The following SHOX variants were observed in gnomAD, a reference collection of about 807,000 sequenced individuals.
SHOX encodes short stature homeobox protein.
A neutral mutation model predicts 29.6 loss-of-function variants in SHOX; 12 were observed. That is an observed-to-expected ratio of 0.41 (90% CI 0.26 to 0.66). The LOEUF is 0.66. SHOX is among the 30% of genes least tolerant of loss of function. The pLI, the probability that SHOX is intolerant of heterozygous loss-of-function variation, is 0.35. For synonymous variants in SHOX, 214 were observed against 200.6 expected (o/e 1.07, Z -0.57); for missense variants, 499 against 437.7 (o/e 1.14, Z -1.25).
chrX:633,635 C>T (rs1299720168), intron 1 of SHOX, among the ~76,000 whole-genome samples: 1 of 152,074 alleles, frequency 6.6e-6, no homozygotes, highest in East Asian at 1.9e-4. Context: ...GAGACTGTTT[C>T]CAGACTAAAC....
chrX:634,592 C>T (rs1230751608), intron 1 of SHOX, 26 bp from the exon 2 acceptor site: 2 of 1,611,432 alleles, frequency 1.2e-6, no homozygotes, highest in South Asian at 1.1e-5. Flanking sequence ...CCGGCCTCAG[C>T]CCTGTGCCCT....
At chrX:640,206 G>A (rs1486069304) in intron 2 of SHOX, among the ~76,000 whole-genome samples, 1 of 150,886 alleles carries the variant, frequency 6.6e-6, no homozygotes, top group South Asian at 2.1e-4. Context: ...TTAGCTAGGT[G>A]TGGTGGTGTG....
At chrX:637,837 T>C (rs1252519555) in intron 2 of SHOX, among the ~76,000 whole-genome samples, 1 of 152,196 alleles carries the variant, frequency 6.6e-6, no homozygotes, top group Admixed American at 6.5e-5. Context: ...CAATTTACTG[T>C]GGAAATTTGC....
chrX:634,520 T>C, intron 1 of SHOX, 98 bp from the exon 2 acceptor site: 6 of 1,337,570 alleles, frequency 4.5e-6, no homozygotes, highest in Non-Finnish European at 3.2e-6. Context: ...GCATTGGTTT[T>C]CGAGGGCCCC....
chrX:630,716 T>C (rs1016160088), upstream of SHOX: 18 of 727,104 alleles, frequency 2.5e-5, no homozygotes, highest in Non-Finnish European at 3.7e-5. Context: ...GACCAGTAAT[T>C]GCACCAGACA....
At chrX:638,566 A>G (rs1223067167) in intron 2 of SHOX, among the ~76,000 whole-genome samples, 4 of 152,182 alleles carry the variant, frequency 2.6e-5, no homozygotes, top group Non-Finnish European at 4.4e-5. Flanking sequence ...GCTGGGAAAC[A>G]GGATCAGGTT....
At chrX:640,767 G>C in intron 2 of SHOX, 54 bp from the exon 3 acceptor site, 1 of 1,598,622 alleles carries the variant, frequency 6.3e-7, no homozygotes, top group Non-Finnish European at 8.6e-7. Flanking sequence ...GCTCCCTGGG[G>C]AGGCTGGGCT....
chrX:641,125 C>T (rs1331828703), intron 4 of SHOX, 38 bp downstream of exon 4: 3 of 1,563,748 alleles, frequency 1.9e-6, no homozygotes, highest in African/African-American at 2.7e-5. Context: ...TCCCTAGGGA[C>T]CTGCTGCTCC....
chrX:631,159 G>T lies in SHOX; in HGVS notation c.262G>T (p.Ala88Ser), dbSNP rs747077800. Residue 88 changes from alanine to serine, a missense_variant, in exon 1 of 5, where the codon GCG becomes TCG. Ala to Ser is a moderately conservative substitution (Grantham distance 99). Transcript: ENST00000686671. ...GGAGAAACTGAAAGAATTCGGCACC[G>T]CGAGAGTGGCAGAAGGTAAGTTCCT... The part of the protein sequence containing the change: ...DKEKLKEFGT[A>S]RVAEGIYECK... The T allele has an allele frequency of 1.2e-6, 2 of 1,612,858 alleles. No individual in the cohort carries two copies. Among genetic ancestry groups the T allele is most frequent in the Non-Finnish European group, 1.7e-6 (2 of 1,179,728 alleles).
At chrX:644,250 G>A in intron 4 of SHOX, 141 bp from the exon 5 acceptor site, 1 of 1,103,524 alleles carries the variant, frequency 9.1e-7, no homozygotes, top group Non-Finnish European at 1.2e-6. Flanking sequence ...AAAGGCGGGT[G>A]TGGGGTGGTC....
intron 1 of SHOX, chrX:632,072 C>T (rs2052660951): frequency 1.8e-5 from 8 of 447,650 alleles, no homozygotes; most frequent in Admixed American, 1.7e-4. Context: ...TTCCTTTGAA[C>T]GTCGAGGCTT....
chrX:628,203 C>G (rs1603282839), upstream of SHOX, among the ~76,000 whole-genome samples: 1 of 132,806 alleles, frequency 7.5e-6, no homozygotes, highest in Middle Eastern at 4.5e-3. Flanking sequence ...CTCTCTCCCT[C>G]TCTCTCCCTG....
chrX:625,738 G>T (rs1231249453), intron 1 of SHOX, among the ~76,000 whole-genome samples: 11 of 108,624 alleles, frequency 1.0e-4, no homozygotes, highest in Admixed American at 1.9e-4. Context: ...CTCTCTCTCT[G>T]TCTCTTTTTC....
In SHOX at chrX:631,037, G is replaced by A; in HGVS notation, c.140G>A (p.Arg47Gln). Residue 47 changes from arginine (R) to glutamine (Q), a missense_variant, in exon 1 of 5, where the codon CGG becomes CAG. Arg to Gln is a conservative substitution (Grantham distance 43, BLOSUM62 1). Transcript: ENST00000686671. ...EVLESGLARSRELGTSDSSLQ... is the reference protein window; with the variant it reads ...EVLESGLARSQELGTSDSSLQ... ...TTGGAGAGCGGACTGGCGCGCTCCC[G>A]GGAGCTGGGGACGTCGGATTCCAGC... The A allele has an allele frequency of 1.9e-6, 3 of 1,613,846 alleles. No homozygotes were observed. The highest frequency in any genetic ancestry group is 2.5e-6 in the Non-Finnish European group (3 of 1,179,872).
chrX:658,851 G>T (rs184167749), exon 6 of SHOX: 1 of 354,418 alleles, frequency 2.8e-6, no homozygotes, highest in Admixed American at 2.9e-5. Flanking sequence ...TGCAACCTCC[G>T]CCTCCCGAGT....
chrX:629,319 C>G (rs2052604591), upstream of SHOX, among the ~76,000 whole-genome samples: 1 of 151,182 alleles, frequency 6.6e-6, no homozygotes, highest in Admixed American at 6.6e-5. Context: ...CTGTCTCCAT[C>G]TCTCTCTGTC....
At chrX:639,556 G>T (rs1202844274) in intron 2 of SHOX, among the ~76,000 whole-genome samples, 1 of 152,246 alleles carries the variant, frequency 6.6e-6, no homozygotes, top group East Asian at 1.9e-4. Flanking sequence ...TTCTCCTACA[G>T]GGTCTACAGG....
In SHOX at chrX:634,664, C is replaced by T. The variant is rs1603285306; in HGVS notation, c.324C>T (p.Asp108=). Residue 108 remains aspartate, a synonymous_variant, in exon 2 of 5, where the codon GAC becomes GAT. Coordinates refer to ENST00000686671, the MANE Select transcript of SHOX (RefSeq NM_000451.4). ...AGCGCGAGGACGTGAAGTCGGAGGA[C>T]GAGGACGGGCAGACCAAGCTGAAAC... ...KEKREDVKSE[D]EDGQTKLKQR... 2.5e-6 allele frequency: 4 copies of T among 1,613,878 alleles called. No homozygotes were observed. Among genetic ancestry groups the T allele is most frequent in the Non-Finnish European group, 3.4e-6 (4 of 1,179,856 alleles).
At chrX:653,059 G>A (rs933486440), downstream of SHOX, among the ~76,000 whole-genome samples, 16 of 152,112 alleles carry the variant, frequency 1.1e-4, no homozygotes, top group African/African-American at 3.9e-4. Flanking sequence ...TGGCCAACAC[G>A]GTGAAACTCT....
Sources: gnomAD v4.1 joint callset for allele counts (sites outside exome capture counted in the v4.1 genomes callset) on GRCh38, gnomAD v4.1.1 for gene constraint, MANE v1.5 for transcripts, NCBI Gene and HGNC (gene_info 2026-07-23, HGNC 2026-07-21) for gene names.